Variants in DLEU7 observed in about 807,000 individuals in gnomAD.
The protein encoded by DLEU7 is leukemia-associated protein 7.
DLEU7 carries 17 observed loss-of-function variants against 16.0 expected under a neutral mutation model. The ratio of observed to expected loss-of-function variants is 1.06; its 90% CI spans 0.73 to 1.59. DLEU7 has a LOEUF of 1.59. Ranked by LOEUF, DLEU7 falls within the 40% of genes most tolerant of loss-of-function variation. The probability of loss-of-function intolerance (pLI) is 0.00; values close to 1 mark genes in which losing one functional copy is unlikely to be tolerated. For missense variants in DLEU7, 308 were observed against 314.9 expected (o/e 0.98, Z 0.17); for synonymous variants, 113 against 139.8 (o/e 0.81, Z 1.35).
chr13:50,720,082 C>T (rs1278305881), intron 1 of DLEU7, among the ~76,000 whole-genome samples: 2 of 152,146 alleles, frequency 1.3e-5, no homozygotes, highest in Non-Finnish European at 2.9e-5. Context: ...ATGGCTATCT[C>T]AGTGGTTTCA....
intron 1 of DLEU7, among the ~76,000 whole-genome samples, chr13:50,773,094 C>T (rs982600163): frequency 1.2e-4 from 18 of 152,150 alleles, no homozygotes; most frequent in African/African-American, 4.1e-4. Context: ...ACGTAGTTCT[C>T]GTGCCGTGGT....
chr13:50,800,210 A>G (rs539509460), intron 1 of DLEU7, among the ~76,000 whole-genome samples: 1 of 152,332 alleles, frequency 6.6e-6, no homozygotes, highest in African/African-American at 2.4e-5. Context: ...TCATGGTATG[A>G]AAAGGACAGA....
chr13:50,766,505 C>T (rs751679205), intron 1 of DLEU7, among the ~76,000 whole-genome samples: 27 of 152,024 alleles, frequency 1.8e-4, no homozygotes, highest in Non-Finnish European at 3.1e-4. Flanking sequence ...TCTCCCCTTC[C>T]TCTTCTTTCT....
Position 50,843,173 on chromosome 13 carries a change from G to T in DLEU7, c.459+15C>A, listed in dbSNP as rs748516869. On this transcript the variant is annotated intron_variant, in intron 1 of 1. Transcript: ENST00000504404. The surrounding 1 kb of genome is among the most constrained non-coding windows in gnomAD (Gnocchi z 5.7). ...TACCCTGCACGCCAGAGGGGATGGC[G>T]GGGGCCAGACTCACCTTCAGGTGAA... The T allele has an allele frequency of 8.8e-6, 14 of 1,583,180 alleles. No individual in the cohort carries two copies. In the African/African-American group the frequency reaches 1.7e-4, roughly 19 times the overall value.
intron 1 of DLEU7, among the ~76,000 whole-genome samples, chr13:50,817,493 G>A (rs1876768088): frequency 6.6e-6 from 1 of 152,090 alleles, no homozygotes; most frequent in African/African-American, 2.4e-5. Flanking sequence ...TCCCTGATGA[G>A]GACACCCAGA....
intron 1 of DLEU7, among the ~76,000 whole-genome samples, chr13:50,837,720 T>C (rs1392462781): frequency 1.3e-5 from 2 of 152,214 alleles, no homozygotes; most frequent in Non-Finnish European, 2.9e-5. Context: ...AAGACATTGA[T>C]GATGAGTGCT....
intron 1 of DLEU7, among the ~76,000 whole-genome samples, chr13:50,795,404 A>G (rs1257944606): frequency 6.6e-6 from 1 of 152,182 alleles, no homozygotes; most frequent in Non-Finnish European, 1.5e-5. Flanking sequence ...AATGCAGTTG[A>G]TGATAAAGGG....
At position 50,843,586 on chromosome 13, in the gene DLEU7, A is replaced by G; in HGVS notation, c.61T>C (p.Leu21=). Residue 21 remains leucine (L), a synonymous_variant, in exon 1 of 2, where the codon TTG becomes CTG. Transcript: ENST00000504404. This position sits in a 1 kb window ranked among gnomAD's most constrained non-coding sequence, Gnocchi z 5.7. ...ISHQMVALQT[L]QLLQQEWGWG... The stretch of plus-strand genomic sequence containing the variant: ...CCCCACTCCTGCTGCAGCAGCTGCA[A>G]GGTCTGCAGAGCCACCATTTGGTGG... 2.0e-6 allele frequency: 3 copies of G among 1,499,382 alleles called. No individual in the cohort carries two copies. The highest frequency in any genetic ancestry group is 2.2e-5 in the Admixed American group (1 of 44,884). The allele number at this position is 1,499,382 out of a possible 1,614,324, so 92.9% of individuals were successfully genotyped here. A position where few individuals can be genotyped will look rare whatever the true frequency, so the allele number is the denominator to read the frequency against.
chr13:50,816,864 C>T (rs938153286), intron 1 of DLEU7, among the ~76,000 whole-genome samples: 2 of 151,918 alleles, frequency 1.3e-5, no homozygotes, highest in Non-Finnish European at 2.9e-5. Context: ...TACCTCTTCC[C>T]CTCTCCTCCC....
At chr13:50,810,721 G>A (rs1165578496) in intron 1 of DLEU7, among the ~76,000 whole-genome samples, 5 of 152,104 alleles carry the variant, frequency 3.3e-5, no homozygotes, top group Non-Finnish European at 7.4e-5. Flanking sequence ...CATCATACCC[G>A]TATCTCAGCA....
intron 1 of DLEU7, among the ~76,000 whole-genome samples, chr13:50,749,514 C>G (rs1309851585): frequency 1.3e-5 from 2 of 152,202 alleles, no homozygotes; most frequent in Admixed American, 6.5e-5. Context: ...CATCTCCACA[C>G]TGTTTTCCAT....
At chr13:50,767,407 G>C (rs1391446872) in intron 1 of DLEU7, among the ~76,000 whole-genome samples, 1 of 134,720 alleles carries the variant, frequency 7.4e-6, no homozygotes, top group Non-Finnish European at 1.5e-5. Context: ...AGTGAGCCGA[G>C]ATCGCGCCAC....
chr13:50,720,374 A>G lies in DLEU7; in HGVS notation c.460-7134T>C, dbSNP rs775888038. ...TAAAAATGGGGCTCTTGCAAGCCTA[A>G]TGACCAGATCAGGGCAAGATCAGGC... On this transcript the variant is annotated intron_variant, in intron 1 of 1. Coordinates refer to the DLEU7 transcript ENST00000400393. 3.2e-4 allele frequency among the ~76,000 whole-genome samples: 48 copies of G among 152,324 alleles called. 1 individual carries two copies. The Middle Eastern group carries it at 0.01, about 32-fold the overall frequency.
At chr13:50,788,221 C>T (rs2137770976) in intron 1 of DLEU7, among the ~76,000 whole-genome samples, 1 of 152,314 alleles carries the variant, frequency 6.6e-6, no homozygotes, top group Non-Finnish European at 1.5e-5. Context: ...TATTCCAACA[C>T]TTATCCTGGT....
intron 1 of DLEU7, among the ~76,000 whole-genome samples, chr13:50,815,184 T>C (rs1449847319): frequency 1.3e-5 from 2 of 152,134 alleles, no homozygotes; most frequent in Non-Finnish European, 2.9e-5. Flanking sequence ...AACCTGTAGC[T>C]AAAAGACATC....
intron 1 of DLEU7, among the ~76,000 whole-genome samples, chr13:50,840,622 G>A (rs1037017731): frequency 6.6e-6 from 1 of 152,160 alleles, no homozygotes; most frequent in African/African-American, 2.4e-5. Context: ...ACAAGGAAGG[G>A]AAGGATGGGG....
intron 1 of DLEU7, among the ~76,000 whole-genome samples, chr13:50,767,313 G>A (rs1054099650): frequency 2.0e-5 from 3 of 152,034 alleles, no homozygotes; most frequent in Non-Finnish European, 2.9e-5. Context: ...AAAATTAGCC[G>A]GGCGTGGTGG....
intron 1 of DLEU7, among the ~76,000 whole-genome samples, chr13:50,770,619 A>C (rs1199286697): frequency 1.3e-5 from 2 of 152,222 alleles, no homozygotes; most frequent in East Asian, 3.8e-4. Context: ...CCAGGGATGA[A>C]GCCAACTTGA....
intron 1 of DLEU7, among the ~76,000 whole-genome samples, chr13:50,831,228 A>G (rs1877255873): frequency 1.3e-5 from 2 of 152,152 alleles, no homozygotes; most frequent in African/African-American, 4.8e-5. Flanking sequence ...GGTGAGATGA[A>G]ATCTATTTGC....
Sources: allele counts gnomAD v4.1 joint callset (sites outside exome capture counted in the v4.1 genomes callset), GRCh38; gene constraint gnomAD v4.1.1; non-coding constraint Gnocchi (gnomAD v3.1); transcripts MANE v1.5; gene names NCBI Gene and HGNC (gene_info 2026-07-23, HGNC 2026-07-21).